The following CCNQ variants were observed in gnomAD, a reference collection of about 807,000 sequenced individuals.
CCNQ encodes cyclin Q.
Under a neutral mutation model 17.7 loss-of-function variants are expected in CCNQ, and 3 were observed. The ratio of observed to expected loss-of-function variants is 0.17; its 90% CI spans 0.08 to 0.44. The LOEUF is 0.44. Among genes scored for constraint, CCNQ ranks in the 20% least tolerant of loss-of-function variants. The pLI, the probability that CCNQ is intolerant of heterozygous loss-of-function variation, is 0.99. For missense variants in CCNQ, 146 were observed against 222.6 expected (o/e 0.66, Z 2.19); for synonymous variants, 73 against 96.0 (o/e 0.76, Z 1.40).
chrX:153,595,640 T>C (rs957972033), intron 2 of CCNQ, among the ~76,000 whole-genome samples: 18 of 112,721 alleles, frequency 1.6e-4, no homozygotes, highest in African/African-American at 4.8e-4. Context: ...TGGCTGGGTC[T>C]GCACCCTCCC....
chrX:153,594,158 C>T (rs1225753054), intron 3 of CCNQ, among the ~76,000 whole-genome samples: 6 of 112,873 alleles, frequency 5.3e-5, no homozygotes, highest in African/African-American at 9.6e-5. Flanking sequence ...AGGCGTGCTC[C>T]GAGGCATCAC....
At position 153,588,158 on chromosome X, in the gene CCNQ, G is replaced by A. The variant is rs781881712; in HGVS notation, c.*207C>T. On this transcript the variant is annotated 3_prime_UTR_variant, in exon 5 of 5. Transcript: ENST00000576892. ...GTACACTCCCGGCCTGCCCGCTGGA[G>A]GCGCGGCTCCCACCATCACCTGCAC... The A allele has an allele frequency of 1.2e-3, 638 of 522,552 alleles. 7 individuals carry two copies. In the South Asian group the frequency reaches 0.016, roughly 13 times the overall value. 43.1% of individuals were successfully genotyped at this position (522,552 alleles called of 1,213,427 possible).
chrX:153,592,532 C>T lies in CCNQ; in HGVS notation c.631G>A (p.Val211Ile). The T allele has an allele frequency of 8.2e-7, 1 of 1,212,274 alleles. No individual in the cohort carries two copies. Among genetic ancestry groups the T allele is most frequent in the South Asian group, 1.8e-5 (1 of 57,022 alleles). The stretch of plus-strand genomic sequence containing the variant: ...TGCCACCACGGCTTCTCAGCCTCGA[C>T]CTCGGCGGGCACCTCAACTCCGTAG... ...QVYGVEVPAEVEAEKPWWQVF... is the reference protein window; with the variant it reads ...QVYGVEVPAEIEAEKPWWQVF... The change falls in exon 4 of 5, where the codon GTC (valine) becomes ATC (isoleucine). Residue 211 changes from valine (V) to isoleucine (I), a missense_variant. Coordinates refer to ENST00000576892, the MANE Select transcript of CCNQ (RefSeq NM_152274.5).
At chrX:153,594,522 C>A in intron 3 of CCNQ, 25 bp downstream of exon 3, 1 of 1,209,151 alleles carries the variant, frequency 8.3e-7, no homozygotes, top group Non-Finnish European at 1.1e-6. Flanking sequence ...CCTCTCCAAA[C>A]AGGCACCAGT....
At chrX:153,598,628 A>G (rs1306759180) in intron 1 of CCNQ, among the ~76,000 whole-genome samples, 5 of 113,090 alleles carry the variant, frequency 4.4e-5, no homozygotes, top group Non-Finnish European at 7.5e-5. Flanking sequence ...TAAGCGCCAT[A>G]AAGTCTACCG....
chrX:153,596,349 T>A (rs2091028462), intron 1 of CCNQ, among the ~76,000 whole-genome samples, 162 bp from the exon 2 acceptor site: 1 of 111,772 alleles, frequency 8.9e-6, no homozygotes, highest in Non-Finnish European at 1.9e-5. Flanking sequence ...CTTACTGGGC[T>A]CTCAGACTCT....
At chrX:153,591,608 C>A (rs782233572) in intron 4 of CCNQ, among the ~76,000 whole-genome samples, 14 of 111,466 alleles carry the variant, frequency 1.3e-4, no homozygotes, top group Non-Finnish European at 2.5e-4. Context: ...TTGCCCCCCC[C>A]AGAGTCCAAC....
rs187108864 is a variant in CCNQ, at chrX:153,595,153, T to C, written c.297-474A>G. Among the ~76,000 whole-genome samples, 28 of 113,582 alleles carry C rather than the reference T, an allele frequency of 2.5e-4. No individual in the cohort carries two copies. The Admixed American group carries it at 2.6e-3, about 10-fold the overall frequency. On this transcript the variant is annotated intron_variant, in intron 2 of 4. Transcript: ENST00000576892. ...TACTTTTTGAGACAGGGTCTTGCTC[T>C]GCCTTTCAGGCTGGAGTACAGTGGT...
rs2090997675 is a variant in CCNQ at position 153,592,377 on chromosome X, C to T, written c.657+129G>A. ...CCAGGCCATCGCAACAGGGTACTTTCGAGCTTCCATGTTCCCCAGCAGCCC... is the reference window on the plus strand; with the variant it reads ...CCAGGCCATCGCAACAGGGTACTTTTGAGCTTCCATGTTCCCCAGCAGCCC... On this transcript the variant is annotated intron_variant, in intron 4 of 4. Transcript: ENST00000576892. 7 of 689,912 alleles carry T rather than the reference C, an allele frequency of 1.0e-5. No individual in the cohort carries two copies. In the South Asian group the frequency reaches 1.3e-4, roughly 13 times the overall value. 56.9% of individuals were successfully genotyped at this position (689,912 alleles called of 1,213,427 possible). A position where few individuals can be genotyped will look rare whatever the true frequency, so the allele number is the denominator to read the frequency against.
intron 3 of CCNQ, 88 bp downstream of exon 3, chrX:153,594,459 G>A (rs1275690888): frequency 3.7e-5 from 40 of 1,082,311 alleles, no homozygotes; most frequent in Non-Finnish European, 5.1e-5. Context: ...CTGTGCTCTC[G>A]AGTATGAGAT....
At chrX:153,593,817 G>T (rs1320883846) in intron 3 of CCNQ, among the ~76,000 whole-genome samples, 8 of 112,257 alleles carry the variant, frequency 7.1e-5, no homozygotes, top group Non-Finnish European at 9.4e-5. Flanking sequence ...ACCCCTGGGG[G>T]AGACTGGGCT....
Position 153,590,231 on chromosome X carries a change from T to TAAAAAAAAAAAA in CCNQ, c.658-1789_658-1778dup, listed in dbSNP as rs59053078. ...CAATAGAGTGAGACTCTGTCTCTATTAAAAAAAAAAAAAAAAAAAAAAAAA... is the reference window on the plus strand; with the variant it reads ...CAATAGAGTGAGACTCTGTCTCTATTAAAAAAAAAAAAAAAAAAAAAAAAAAAAAAAAAAAAA... On this transcript the variant is annotated intron_variant, in intron 4 of 4. Coordinates refer to ENST00000576892, the MANE Select transcript of CCNQ (RefSeq NM_152274.5). Among the ~76,000 whole-genome samples the TAAAAAAAAAAAA allele has an allele frequency of 9.1e-3, 240 of 26,442 alleles. 58 individuals are homozygous for TAAAAAAAAAAAA. The highest frequency in any genetic ancestry group is 0.011 in the Non-Finnish European group (186 of 16,961). The allele number at this position is 26,442 out of a possible 115,157, so 23.0% of individuals were successfully genotyped here. A position where few individuals can be genotyped will look rare whatever the true frequency, so the allele number is the denominator to read the frequency against.
intron 1 of CCNQ, among the ~76,000 whole-genome samples, chrX:153,598,700 G>A (rs1389878785): frequency 8.8e-6 from 1 of 113,432 alleles, no homozygotes; most frequent in African/African-American, 3.2e-5. Flanking sequence ...GCGGGCGCCC[G>A]GGCCGGTCTC....
chrX:153,592,070 A>G (rs781820872), intron 4 of CCNQ, among the ~76,000 whole-genome samples: 1 of 111,068 alleles, frequency 9.0e-6, no homozygotes, highest in East Asian at 2.8e-4. Context: ...CACCCTGCCC[A>G]TCAGCTCTCT....
intron 4 of CCNQ, among the ~76,000 whole-genome samples, chrX:153,592,163 G>T (rs1557025921): frequency 8.9e-6 from 1 of 112,507 alleles, no homozygotes; most frequent in African/African-American, 3.2e-5. Flanking sequence ...AAGCACCCCA[G>T]ATGTTTCTGA....
intron 1 of CCNQ, chrX:153,597,685 T>C (rs781896113): frequency 8.9e-6 from 1 of 112,036 alleles, no homozygotes; most frequent in Non-Finnish European, 1.9e-5. Flanking sequence ...GGGACATCTT[T>C]GGGAAATCAA....
intron 4 of CCNQ, among the ~76,000 whole-genome samples, chrX:153,590,019 C>T (rs934091582): frequency 9.2e-6 from 1 of 109,132 alleles, no homozygotes; most frequent in East Asian, 2.9e-4. Flanking sequence ...CTGGAGGTCA[C>T]GAGTTCAAGA....
chrX:153,594,453 G>T, intron 3 of CCNQ, 94 bp downstream of exon 3: 1 of 1,058,446 alleles, frequency 9.4e-7, no homozygotes, highest in Non-Finnish European at 1.3e-6. Context: ...TCTGTGCTGT[G>T]CTCTCGAGTA....
chrX:153,595,961 C>T, intron 2 of CCNQ, 43 bp downstream of exon 2: 2 of 1,204,399 alleles, frequency 1.7e-6, no homozygotes, highest in Non-Finnish European at 2.3e-6. Context: ...CTGCCCGTCC[C>T]CCCCACCGGG....
Sources: gnomAD v4.1 joint callset for allele counts (sites outside exome capture counted in the v4.1 genomes callset) on GRCh38, gnomAD v4.1.1 for gene constraint, MANE v1.5 for transcripts, NCBI Gene and HGNC (gene_info 2026-07-23, HGNC 2026-07-21) for gene names.